Variants in MBP observed in about 807,000 individuals in gnomAD.
The protein encoded by MBP is Golli-MBP.
A neutral mutation model predicts 35.8 loss-of-function variants in MBP; 16 were observed. That is an observed-to-expected ratio of 0.45 (90% confidence interval 0.30 to 0.68). The LOEUF (loss-of-function observed/expected upper bound fraction) is 0.68, where lower values mean the gene tolerates loss of function less well. Ranked by LOEUF, MBP falls within the 30% of genes least tolerant of loss-of-function variation. The pLI, the probability that MBP is intolerant of heterozygous loss-of-function variation, is 0.08. For missense variants in MBP, 380 were observed against 404.7 expected (o/e 0.94, Z 0.52); for synonymous variants, 143 against 159.6 (o/e 0.90, Z 0.78).
chr18:77,010,754 C>T (rs1474594923), intron 4 of MBP, among the ~76,000 whole-genome samples: 1 of 152,226 alleles, frequency 6.6e-6, no homozygotes, highest in Non-Finnish European at 1.5e-5. Context: ...AATGTATTAT[C>T]TTTGTCAGTT....
chr18:77,017,296 G>C, intron 3 of MBP, 28 bp from the exon 4 acceptor site: 1 of 1,494,942 alleles, frequency 6.7e-7, no homozygotes. Flanking sequence ...ATATGAATAC[G>C]GGCCTGTGCA....
In MBP at chr18:76,988,908, G is replaced by C; in HGVS notation, c.686C>G (p.Thr229Arg). 2 of 1,613,912 alleles carry C rather than the reference G, an allele frequency of 1.2e-6. No homozygotes were observed. Among genetic ancestry groups the C allele is most frequent in the Non-Finnish European group, 1.7e-6 (2 of 1,179,862 alleles). The part of the protein sequence containing the change: ...PVVHFFKNIV[T>R]PRTPPPSQGK... The stretch of plus-strand genomic sequence containing the variant: ...CTGCGACGGGGGTGGTGTGCGAGGC[G>C]TCACCTGGAAAGACACAGAGAACCG... Residue 229 changes from threonine (T) to arginine (R), a missense_variant, in exon 6 of 9, where the codon ACG (threonine) becomes AGG (arginine). Coordinates refer to ENST00000355994, the MANE Select transcript of MBP (RefSeq NM_001025101.2). The surrounding 1 kb of genome is among the most constrained non-coding windows in gnomAD (Gnocchi z 5.2).
At chr18:77,030,852 A>C (rs1972512424) in intron 3 of MBP, among the ~76,000 whole-genome samples, 1 of 152,200 alleles carries the variant, frequency 6.6e-6, no homozygotes, top group Non-Finnish European at 1.5e-5. Context: ...AGATTCCTGT[A>C]ACTGACCCTG....
intron 3 of MBP, among the ~76,000 whole-genome samples, chr18:77,021,066 G>A (rs763519277): frequency 6.6e-6 from 1 of 152,224 alleles, no homozygotes; most frequent in Admixed American, 6.5e-5. Flanking sequence ...GAAGAGTGTT[G>A]TCTTCTGAGA....
intron 3 of MBP, among the ~76,000 whole-genome samples, chr18:77,028,850 ATG>A (rs1972385994): frequency 1.2e-5 from 1 of 86,048 alleles, no homozygotes; most frequent in African/African-American, 4.4e-5. Context: ...CACTTCCCAG[ATG>A]TGATGGCGGC....
At chr18:77,121,500 T>C (rs1667908) in intron 1 of MBP, among the ~76,000 whole-genome samples, 76,898 of 151,900 alleles carry the variant, frequency 0.51, 19,738 homozygotes, top group South Asian at 0.57. Context: ...CTCTTCTGAG[T>C]TCTCCCGCCC....
intron 7 of MBP, chr18:76,986,055 G>C: frequency 1.0e-6 from 1 of 985,728 alleles, no homozygotes; most frequent in Non-Finnish European, 1.2e-6. Flanking sequence ...GAAGGAGCTC[G>C]CTGTGGGAGT....
intron 3 of MBP, among the ~76,000 whole-genome samples, chr18:77,040,462 C>T (rs4890880): frequency 0.35 from 53,714 of 151,792 alleles, 11,491 homozygotes; most frequent in Non-Finnish European, 0.48. Flanking sequence ...AAAAAGAGCC[C>T]GCATTGCCAA....
intron 2 of MBP, among the ~76,000 whole-genome samples, chr18:77,080,398 G>A (rs1974842939): frequency 2.0e-5 from 3 of 152,268 alleles, no homozygotes; most frequent in Admixed American, 1.3e-4. Flanking sequence ...CTCCTCACCT[G>A]GGGCCCTGCT....
chr18:76,980,651 A>G (rs940394109), intron 8 of MBP, 180 bp from the exon 9 acceptor site: 3 of 594,002 alleles, frequency 5.1e-6, no homozygotes, highest in Non-Finnish European at 9.0e-6. Flanking sequence ...TCCCTCAGCA[A>G]ATGCTAATTG....
At chr18:77,105,403 G>A (rs192468270) in intron 1 of MBP, 117 bp from the exon 2 acceptor site, 11 of 597,020 alleles carry the variant, frequency 1.8e-5, no homozygotes, top group South Asian at 1.3e-4. Context: ...TTGAGAAGAC[G>A]AAACCAAGGC....
chr18:77,085,541 G>A (rs536209574), intron 2 of MBP, among the ~76,000 whole-genome samples: 3 of 152,282 alleles, frequency 2.0e-5, no homozygotes, highest in South Asian at 2.1e-4. Flanking sequence ...CTCAGCTAGC[G>A]CGGAGCCAAT....
chr18:76,987,028 T>G (rs1321130750), intron 7 of MBP: 1 of 985,292 alleles, frequency 1.0e-6, no homozygotes, highest in South Asian at 4.7e-5. Flanking sequence ...GGATTTTGCT[T>G]TGGAAAAAAG....
At chr18:76,999,926 G>A (rs867307269) in intron 4 of MBP, among the ~76,000 whole-genome samples, 31 of 152,192 alleles carry the variant, frequency 2.0e-4, no homozygotes, top group African/African-American at 6.5e-4. Flanking sequence ...CTTTGTGGGT[G>A]ATTAAAAGCG....
intron 1 of MBP, among the ~76,000 whole-genome samples, chr18:77,118,759 C>A (rs1976793278): frequency 6.7e-6 from 1 of 150,232 alleles, no homozygotes; most frequent in Non-Finnish European, 1.5e-5. Flanking sequence ...ACACACACCA[C>A]ACACACACAC....
intron 4 of MBP, chr18:76,990,983 C>A: frequency 4.3e-6 from 1 of 230,758 alleles, no homozygotes; most frequent in South Asian, 3.6e-5. Flanking sequence ...GAGATAGGGT[C>A]AGGTTGGGCA....
intron 4 of MBP, among the ~76,000 whole-genome samples, chr18:77,001,416 TG>T (rs1970626598): frequency 6.6e-6 from 1 of 152,252 alleles, no homozygotes; most frequent in Admixed American, 6.5e-5. Flanking sequence ...CGGCAGCTAA[TG>T]AGCCTGCCAG....
intron 2 of MBP, among the ~76,000 whole-genome samples, chr18:77,096,154 A>G (rs991910091): frequency 6.6e-6 from 1 of 152,246 alleles, no homozygotes; most frequent in African/African-American, 2.4e-5. Flanking sequence ...AAAGTCAGTG[A>G]CATTTCACAG....
At chr18:77,039,214 A>G (rs1972888722) in intron 3 of MBP, among the ~76,000 whole-genome samples, 1 of 152,188 alleles carries the variant, frequency 6.6e-6, no homozygotes, top group Non-Finnish European at 1.5e-5. Flanking sequence ...CCTAAAATAT[A>G]TACTGTCTGG....
Sources: allele counts gnomAD v4.1 joint callset (sites outside exome capture counted in the v4.1 genomes callset), GRCh38; gene constraint gnomAD v4.1.1; non-coding constraint Gnocchi (gnomAD v3.1); transcripts MANE v1.5; gene names NCBI Gene and HGNC (gene_info 2026-07-23, HGNC 2026-07-21).